NXPH2: variants seen among roughly 807,000 people sequenced by gnomAD.
NXPH2 encodes neurexophilin-2.
In NXPH2, 5 loss-of-function variants were observed where a neutral mutation model predicts 19.8. That is an observed-to-expected ratio of 0.25 (90% CI 0.13 to 0.53). The LOEUF (loss-of-function observed/expected upper bound fraction) is 0.53. Among genes scored for constraint, NXPH2 ranks in the 20% least tolerant of loss-of-function variants. The probability of loss-of-function intolerance (pLI) is 0.96; values close to 1 mark genes in which losing one functional copy is unlikely to be tolerated. For missense variants in NXPH2, 289 were observed against 322.8 expected, an observed-to-expected ratio of 0.90 and a Z score of 0.80; for synonymous variants, 154 against 127.4, an observed-to-expected ratio of 1.21 and a Z score of -1.41.
chr2:138,671,335 G>A lies in NXPH2; in HGVS notation c.382C>T (p.Leu128Phe). Residue 128 changes from leucine to phenylalanine, a missense_variant, in exon 2 of 2, where the codon CTC (leucine) becomes TTC (phenylalanine). Leu to Phe is a conservative substitution (Grantham distance 22, BLOSUM62 0). Transcript: ENST00000272641. The part of the protein sequence containing the change: ...HSNIKTVKLN[L>F]LITGKIVDHG... ...TCAACAATTTTCCCTGTGATGAGGA[G>A]ATTGAGTTTGACAGTTTTAATGTTG... is the stretch of plus-strand genomic sequence containing the variant. 6.2e-7 allele frequency: 1 copy of A among 1,613,798 alleles called. No homozygotes were observed. The highest frequency in any genetic ancestry group is 1.1e-5 in the South Asian group (1 of 91,050).
intron 1 of NXPH2, among the ~76,000 whole-genome samples, chr2:138,703,155 T>G (rs1385542418): frequency 2.6e-5 from 4 of 152,212 alleles, no homozygotes; most frequent in Non-Finnish European, 5.9e-5. Flanking sequence ...GTTAATAATT[T>G]AGCTAATTGA....
intron 1 of NXPH2, among the ~76,000 whole-genome samples, chr2:138,757,145 C>A (rs1410856760): frequency 1.3e-5 from 2 of 152,162 alleles, no homozygotes; most frequent in Non-Finnish European, 2.9e-5. Context: ...TTTAAGCATA[C>A]TATAAAGTTC....
chr2:138,751,617 C>CCT (rs1187443573), intron 1 of NXPH2, among the ~76,000 whole-genome samples: 9 of 152,088 alleles, frequency 5.9e-5, no homozygotes, highest in Non-Finnish European at 8.8e-5. Context: ...CTCTGAGAAA[C>CCT]TGGTATGTTC....
At chr2:138,755,676 A>G (rs1681896090) in intron 1 of NXPH2, among the ~76,000 whole-genome samples, 1 of 152,124 alleles carries the variant, frequency 6.6e-6, no homozygotes, top group South Asian at 2.1e-4. Context: ...TTCTATAAAA[A>G]TTTTAGAGCC....
intron 1 of NXPH2, among the ~76,000 whole-genome samples, chr2:138,712,089 C>T (rs1263746125): frequency 6.6e-6 from 1 of 152,178 alleles, no homozygotes; most frequent in African/African-American, 2.4e-5. Flanking sequence ...AGCAGCACAT[C>T]CTGGGCAGAA....
At chr2:138,731,351 G>A (rs753766014) in intron 1 of NXPH2, among the ~76,000 whole-genome samples, 30 of 151,960 alleles carry the variant, frequency 2.0e-4, no homozygotes, top group Non-Finnish European at 3.8e-4. Flanking sequence ...TAAGCAATAC[G>A]CTTTTATTGT....
At chr2:138,747,085 A>G (rs1171928472) in intron 1 of NXPH2, among the ~76,000 whole-genome samples, 1 of 152,158 alleles carries the variant, frequency 6.6e-6, no homozygotes, top group Non-Finnish European at 1.5e-5. Context: ...AAATCTCAAG[A>G]TATTTGAACA....
intron 1 of NXPH2, among the ~76,000 whole-genome samples, chr2:138,720,704 T>C (rs1474149464): frequency 6.6e-6 from 1 of 152,194 alleles, no homozygotes; most frequent in Non-Finnish European, 1.5e-5. Flanking sequence ...GCACTGGCGC[T>C]GTGGCAAGAA....
chr2:138,675,415 G>A (rs1573949244), intron 1 of NXPH2, among the ~76,000 whole-genome samples: 2 of 151,926 alleles, frequency 1.3e-5, no homozygotes, highest in East Asian at 3.9e-4. Flanking sequence ...AGCTGATCTT[G>A]GTGCACTTTC....
chr2:138,708,646 C>T (rs1681053791), intron 1 of NXPH2, among the ~76,000 whole-genome samples: 1 of 152,090 alleles, frequency 6.6e-6, no homozygotes, highest in Non-Finnish European at 1.5e-5. Flanking sequence ...TAGAAATAGG[C>T]CAAGCTAATG....
At chr2:138,729,879 A>C (rs1309590212) in intron 1 of NXPH2, among the ~76,000 whole-genome samples, 1 of 152,174 alleles carries the variant, frequency 6.6e-6, no homozygotes, top group Non-Finnish European at 1.5e-5. Flanking sequence ...GTGCTTCTGA[A>C]GTGATGTTTT....
intron 1 of NXPH2, among the ~76,000 whole-genome samples, chr2:138,692,542 A>C (rs1325626886): frequency 6.6e-6 from 1 of 152,188 alleles, no homozygotes; most frequent in Non-Finnish European, 1.5e-5. Context: ...GATTAATCCT[A>C]AATGTCCGCT....
chr2:138,770,963 T>G (rs1682166320), intron 1 of NXPH2, among the ~76,000 whole-genome samples: 1 of 152,114 alleles, frequency 6.6e-6, no homozygotes, highest in Admixed American at 6.5e-5. Context: ...TACTTTCCTT[T>G]AATAGATTGT....
chr2:138,759,538 A>G (rs1483256646), intron 1 of NXPH2, among the ~76,000 whole-genome samples: 2 of 151,724 alleles, frequency 1.3e-5, no homozygotes, highest in African/African-American at 2.4e-5. Context: ...GGACAGAAAG[A>G]TTGCCAGCCC....
chr2:138,728,534 T>G (rs988607458), intron 1 of NXPH2, among the ~76,000 whole-genome samples: 2 of 152,204 alleles, frequency 1.3e-5, no homozygotes, highest in African/African-American at 4.8e-5. Flanking sequence ...TAGAAAGATC[T>G]CGATAAATGT....
chr2:138,670,874 T>C lies in NXPH2; in HGVS notation c.*48A>G. The C allele has an allele frequency of 6.5e-7, 1 of 1,549,498 alleles. No homozygotes were observed. The highest frequency in any genetic ancestry group is 8.7e-7 in the Non-Finnish European group (1 of 1,146,332). ...AAGAGCTGGGCTTGTTTCTTTGTCA[T>C]TCTAATCAAATACATATGTATCCCT... On this transcript the variant is annotated 3_prime_UTR_variant, in exon 2 of 2. Coordinates refer to ENST00000272641, the MANE Select transcript of NXPH2 (RefSeq NM_007226.3).
chr2:138,704,764 C>G (rs1209220225), intron 1 of NXPH2, among the ~76,000 whole-genome samples: 1 of 152,036 alleles, frequency 6.6e-6, no homozygotes, highest in Non-Finnish European at 1.5e-5. Flanking sequence ...TCAAGTGATC[C>G]TCTCACCTTA....
chr2:138,670,784 TA>T lies in NXPH2; in HGVS notation c.*137del, dbSNP rs1680401356. The T allele has an allele frequency of 1.1e-6, 1 of 908,434 alleles. No individual in the cohort carries two copies. The highest frequency in any genetic ancestry group is 1.6e-6 in the Non-Finnish European group (1 of 640,544). 56.3% of individuals were successfully genotyped at this position (908,434 alleles called of 1,614,324 possible). On this transcript the variant is annotated 3_prime_UTR_variant, in exon 2 of 2. Coordinates refer to ENST00000272641, the MANE Select transcript of NXPH2 (RefSeq NM_007226.3). ...TTAAAGATGTCTCTTTTTCTTTTTT[TA>T]AATTTGAAAACCTGATAGGGAACTA...
At chr2:138,751,239 A>G (rs564432652) in intron 1 of NXPH2, among the ~76,000 whole-genome samples, 417 of 152,272 alleles carry the variant, frequency 2.7e-3, no homozygotes, top group Middle Eastern at 0.017. Context: ...GTAGCAGTAC[A>G]GATCACACTC....
Sources: allele counts gnomAD v4.1 joint callset (sites outside exome capture counted in the v4.1 genomes callset), GRCh38; gene constraint gnomAD v4.1.1; transcripts MANE v1.5; gene names NCBI Gene and HGNC (gene_info 2026-07-23, HGNC 2026-07-21).